Variants in SHPRH observed in about 807,000 individuals in gnomAD.
SHPRH encodes the protein E3 ubiquitin-protein ligase SHPRH.
SHPRH carries 106 observed loss-of-function variants against 202.5 expected under a neutral mutation model. The ratio of observed to expected loss-of-function variants is 0.52; its 90% CI spans 0.45 to 0.62. SHPRH has a LOEUF of 0.62. Among genes scored for constraint, SHPRH ranks in the 20% least tolerant of loss-of-function variants. SHPRH has a pLI of 0.00. For synonymous variants in SHPRH, 729 were observed against 686.0 expected, an observed-to-expected ratio of 1.06 and a Z score of -0.98; for missense variants, 1,710 against 2,020.0, an observed-to-expected ratio of 0.85 and a Z score of 2.94.
At chr6:145,945,275 A>G in intron 8 of SHPRH, 106 bp downstream of exon 8, 7 of 1,323,512 alleles carry the variant, frequency 5.3e-6, no homozygotes, top group Non-Finnish European at 7.1e-6. Context: ...CTATTTTTTT[A>G]TCTTCAGATC....
At chr6:145,929,532 T>C (rs1026241057) in intron 14 of SHPRH, among the ~76,000 whole-genome samples, 9 of 152,072 alleles carry the variant, frequency 5.9e-5, no homozygotes. Flanking sequence ...ATATGTAATG[T>C]TACTTTAAAA....
downstream of SHPRH, among the ~76,000 whole-genome samples, chr6:145,861,322 T>C (rs2128681601): frequency 6.6e-6 from 1 of 151,958 alleles, no homozygotes; most frequent in East Asian, 1.9e-4. Flanking sequence ...ACATACAAAA[T>C]GACCAATAGG....
At chr6:145,918,108 G>A (rs1784110655) in intron 23 of SHPRH, 23 bp downstream of exon 23, 9 of 1,567,414 alleles carry the variant, frequency 5.7e-6, no homozygotes, top group Non-Finnish European at 7.0e-6. Flanking sequence ...ATAGGAAAAA[G>A]TAGCATGTCT....
At chr6:145,871,884 A>G (rs115787278) in intron 2 of SHPRH, among the ~76,000 whole-genome samples, 289 of 152,336 alleles carry the variant, frequency 1.9e-3, no homozygotes, top group African/African-American at 6.4e-3. Flanking sequence ...GAATACAGAA[A>G]TAAGACTGCA....
At position 145,886,662 on chromosome 6, in the gene SHPRH, T is replaced by C. The variant is rs774675111; in HGVS notation, c.*29A>G. 19 of 1,606,884 alleles carry C rather than the reference T, an allele frequency of 1.2e-5. No individual in the cohort carries two copies. In the African/African-American group the frequency reaches 2.3e-4, roughly 19 times the overall value. On this transcript the variant is annotated 3_prime_UTR_variant, in exon 30 of 30. Coordinates refer to ENST00000275233, the MANE Select transcript of SHPRH (RefSeq NM_001042683.3). ...CAGCTATGAAAGTTTATTAATACAC[T>C]AAAGTCCATGGAATGAATCAAGTGT... is the stretch of plus-strand genomic sequence containing the variant.
intron 3 of SHPRH, chr6:145,951,804 T>TG (rs1365235153): frequency 2.2e-6 from 1 of 456,006 alleles, no homozygotes; most frequent in Non-Finnish European, 4.4e-6. Context: ...GAGCAGAACT[T>TG]GGAGAATTTG....
chr6:145,910,798 A>G (rs975349943), intron 24 of SHPRH, among the ~76,000 whole-genome samples, 162 bp from the exon 25 acceptor site: 5 of 152,142 alleles, frequency 3.3e-5, no homozygotes, highest in African/African-American at 1.2e-4. Context: ...TTTATTCCAA[A>G]GTAAGTTTTC....
At chr6:145,890,829 C>T (rs999303459) in intron 28 of SHPRH, among the ~76,000 whole-genome samples, 1 of 152,154 alleles carries the variant, frequency 6.6e-6, no homozygotes, top group African/African-American at 2.4e-5. Context: ...AGCCAAAACC[C>T]ATGGTGTTAT....
intron 14 of SHPRH, among the ~76,000 whole-genome samples, chr6:145,928,830 T>A (rs536657172): frequency 7.9e-5 from 12 of 151,806 alleles, no homozygotes; most frequent in Non-Finnish European, 1.5e-4. Context: ...GTCAGCCAAT[T>A]TCTATTCCCT....
intron 29 of SHPRH, among the ~76,000 whole-genome samples, chr6:145,887,803 T>C (rs542606845): frequency 2.0e-5 from 3 of 152,316 alleles, no homozygotes; most frequent in East Asian, 3.9e-4. Flanking sequence ...GAATGTAGTA[T>C]AGTTTATATT....
At chr6:145,950,870 G>A (rs1000872847) in intron 3 of SHPRH, among the ~76,000 whole-genome samples, 1 of 151,742 alleles carries the variant, frequency 6.6e-6, no homozygotes, top group African/African-American at 2.4e-5. Context: ...TAGCTGACAC[G>A]TGTATTGTCT....
Position 145,926,191 on chromosome 6 carries a change from A to G in SHPRH, c.3294+13T>C. 6.2e-7 allele frequency: 1 copy of G among 1,611,178 alleles called. No individual in the cohort carries two copies. Among genetic ancestry groups the G allele is most frequent in the African/African-American group, 1.3e-5 (1 of 74,934 alleles). The stretch of plus-strand genomic sequence containing the variant: ...AAATATACTTTTATAGACAGAATGA[A>G]AAAAATAATTACCTCTTCCTCAAGT... On this transcript the variant is annotated intron_variant, in intron 16 of 29. Coordinates refer to ENST00000275233, the MANE Select transcript of SHPRH (RefSeq NM_001042683.3).
chr6:145,914,562 A>C (rs1428576705), intron 23 of SHPRH, among the ~76,000 whole-genome samples: 1 of 152,144 alleles, frequency 6.6e-6, no homozygotes, highest in Admixed American at 6.6e-5. Context: ...ATAAAACTTT[A>C]CTTACGAAAA....
In SHPRH at chr6:145,921,330, T is replaced by C; in HGVS notation, c.3845A>G (p.Asp1282Gly). Reference protein sequence around the residue: ...MIEDEEGLVDDRAPTTTRGLW... With the variant: ...MIEDEEGLVDGRAPTTTRGLW... ...ACCCCGGGTGGTGGTAGGTGCTCGA[T>C]CATCCACCAGTCCTTCTTCATCTTC... Residue 1282 changes from aspartate to glycine, a missense_variant, in exon 21 of 30, where the codon GAT becomes GGT. Asp to Gly is a moderately conservative substitution (Grantham distance 94). Around this residue, in one of 8 missense-constraint regions of SHPRH, gnomAD observed 288 missense variants for 317.8 expected, o/e 0.91. Coordinates refer to ENST00000275233, the MANE Select transcript of SHPRH (RefSeq NM_001042683.3). 6.2e-7 allele frequency: 1 copy of C among 1,612,886 alleles called. No homozygotes were observed.
At chr6:145,940,898 C>T (rs1255479065) in intron 10 of SHPRH, 97 bp from the exon 11 acceptor site, 73 of 1,184,330 alleles carry the variant, frequency 6.2e-5, no homozygotes, top group Non-Finnish European at 8.5e-5. Context: ...CCATTAAAAG[C>T]TACACTTCTG....
chr6:145,961,760 C>G (rs1169819988), intron 1 of SHPRH, among the ~76,000 whole-genome samples: 2 of 152,186 alleles, frequency 1.3e-5, no homozygotes, highest in Non-Finnish European at 2.9e-5. Context: ...AATGCTCTCC[C>G]TTTGTCCAGT....
chr6:145,866,493 T>C (rs1474732676), intron 2 of SHPRH, among the ~76,000 whole-genome samples: 1 of 152,202 alleles, frequency 6.6e-6, no homozygotes, highest in East Asian at 1.9e-4. Context: ...CCTAACACCT[T>C]GGAAAGAGAA....
chr6:145,921,197 A>T lies in SHPRH; in HGVS notation c.3978T>A (p.Asp1326Glu). Residue 1326 changes from aspartate to glutamate, a missense_variant, in exon 21 of 30, where the codon GAT becomes GAA. Asp to Glu is a conservative substitution (Grantham distance 45). Transcript: ENST00000275233. ...ATTCCTTCTTCCATGCTTCAAAGAGATCCATTGAAGTGCTTCCTTCATCAA... is the reference window on the plus strand; with the variant it reads ...ATTCCTTCTTCCATGCTTCAAAGAGTTCCATTGAAGTGCTTCCTTCATCAA... ...EFVDEGSTSM[D>E]LFEAWKKEYK... is the part of the protein sequence containing the mutation. 1 of 1,612,432 alleles carries T rather than the reference A, an allele frequency of 6.2e-7. No individual in the cohort carries two copies. The highest frequency in any genetic ancestry group is 8.5e-7 in the Non-Finnish European group (1 of 1,178,986).
Position 145,940,736 on chromosome 6 carries a change from CTG to C in SHPRH, c.2554_2555del (p.Gln852GlufsTer16), listed in dbSNP as rs1198823040. 6.2e-7 allele frequency: 1 copy of C among 1,613,760 alleles called. No homozygotes were observed. Among genetic ancestry groups the C allele is most frequent in the South Asian group, 1.1e-5 (1 of 91,066 alleles). ...NRWCISGTPV[Q>X]RGLEDLFGLV... Reference sequence around the variant, plus strand: ...ACCATACATTACCCTCTAATCCTCTCTGTACTGGAGTGCCACTGATACACCAT... The same window carrying C: ...ACCATACATTACCCTCTAATCCTCTCTACTGGAGTGCCACTGATACACCAT... On this transcript the variant is annotated frameshift_variant, in exon 11 of 30. Transcript: ENST00000275233. LOFTEE classifies it high-confidence loss of function.
Sources: allele counts gnomAD v4.1 joint callset (sites outside exome capture counted in the v4.1 genomes callset), GRCh38; gene constraint gnomAD v4.1.1; regional missense constraint gnomAD v4.1.1; transcripts MANE v1.5; gene names NCBI Gene and HGNC (gene_info 2026-07-23, HGNC 2026-07-21).